Variants in ZBBX observed in about 807,000 individuals in gnomAD.
ZBBX encodes the protein zinc finger B-box domain containing, also known as zinc finger B-box domain-containing protein 1.
ZBBX carries 101 observed loss-of-function variants against 108.5 expected under a neutral mutation model. The ratio of observed to expected loss-of-function variants is 0.93; its 90% CI spans 0.79 to 1.10. The LOEUF (loss-of-function observed/expected upper bound fraction) is 1.10, where lower values mean the gene tolerates loss of function less well. ZBBX is among the 50% of genes least tolerant of loss of function. The pLI, the probability that ZBBX is intolerant of heterozygous loss-of-function variation, is 0.00. For missense variants in ZBBX, 1,009 were observed against 941.4 expected (o/e 1.07, Z -0.94); for synonymous variants, 356 against 323.4 (o/e 1.10, Z -1.08).
intron 16 of ZBBX, 74 bp downstream of exon 16, chr3:167,313,900 A>C: frequency 7.5e-7 from 1 of 1,338,290 alleles, no homozygotes; most frequent in East Asian, 2.6e-5. Flanking sequence ...CAGCATAACA[A>C]AGCTTTTATA....
chr3:167,352,719 C>A (rs1742868285), intron 8 of ZBBX, among the ~76,000 whole-genome samples: 3 of 143,096 alleles, frequency 2.1e-5, no homozygotes. Context: ...TACAAAAATT[C>A]TCAAAAAAAA....
intron 9 of ZBBX, among the ~76,000 whole-genome samples, chr3:167,348,791 T>C (rs1431466403): frequency 1.3e-5 from 2 of 152,098 alleles, no homozygotes; most frequent in Admixed American, 1.3e-4. Context: ...CTCACTAATT[T>C]AATCCAATCT....
chr3:167,345,242 G>A (rs1221115199), intron 9 of ZBBX, among the ~76,000 whole-genome samples: 2 of 151,818 alleles, frequency 1.3e-5, no homozygotes, highest in Admixed American at 6.6e-5. Flanking sequence ...AGACAAAAAA[G>A]AGTCCTTCTC....
At chr3:167,366,065 A>C in intron 5 of ZBBX, 89 bp from the exon 6 acceptor site, 1 of 978,474 alleles carries the variant, frequency 1.0e-6, no homozygotes, top group Non-Finnish European at 1.5e-6. Flanking sequence ...GTTTCAGAAA[A>C]TGGAAATTCA....
At chr3:167,225,074 T>G in the ZBBX span, among the ~76,000 whole-genome samples, 1 of 151,760 alleles carries the variant, frequency 6.6e-6, no homozygotes, top group African/African-American at 2.4e-5. Context: ...TGATATGGAA[T>G]AGACACAAGG....
chr3:167,209,474 T>C, the ZBBX span, among the ~76,000 whole-genome samples: 3 of 152,104 alleles, frequency 2.0e-5, no homozygotes, highest in East Asian at 5.8e-4. Context: ...CTGGATCTTA[T>C]CCAAGACCAC....
chr3:167,242,617 T>C lies in ZBBX; in HGVS notation c.2281A>G (p.Thr761Ala). 1 of 1,612,050 alleles carries C rather than the reference T, an allele frequency of 6.2e-7. No homozygotes were observed. Residue 761 changes from threonine (T) to alanine (A), a missense_variant, in exon 21 of 22, where the codon ACC (threonine) becomes GCC (alanine). By Grantham distance (58) the Thr-to-Ala change is moderately conservative. Transcript: ENST00000675490. ...CTGAAATCTGGGAACTCTTCTGAGG[T>C]TAAGCTGTAAAGCTTTTCTGAAGTA... is the stretch of plus-strand genomic sequence containing the variant. ...ADTSEKLYSLTSEEFPDFSSQ... is the reference protein window; with the variant it reads ...ADTSEKLYSLASEEFPDFSSQ...
At chr3:167,350,563 G>C (rs573410697) in intron 8 of ZBBX, 48 bp from the exon 9 acceptor site, 8 of 1,330,282 alleles carry the variant, frequency 6.0e-6, no homozygotes, top group Non-Finnish European at 7.2e-6. Context: ...AAAATAGTAT[G>C]ATTTTTAGAA....
At position 167,275,609 on chromosome 3, in the gene ZBBX, A is replaced by C. The variant is rs533535892; in HGVS notation, c.2254+6629T>G. Among the ~76,000 whole-genome samples, 15 of 152,360 alleles carry C rather than the reference A, an allele frequency of 9.8e-5. No homozygotes were observed. In the South Asian group the frequency reaches 2.7e-3, roughly 27 times the overall value. ...GGCGCACCAGGAGATTATATCCCGC[A>C]CATGGCTCGGAGGGTCCTACACCCA... On this transcript the variant is annotated intron_variant, in intron 20 of 21. Transcript: ENST00000675490.
intron 19 of ZBBX, among the ~76,000 whole-genome samples, chr3:167,283,090 C>T (rs1429885114): frequency 6.6e-6 from 1 of 152,196 alleles, no homozygotes; most frequent in Non-Finnish European, 1.5e-5. Flanking sequence ...AGCTCACTCT[C>T]TTCTGGAAAA....
the ZBBX span, among the ~76,000 whole-genome samples, chr3:167,206,363 C>G: frequency 6.6e-6 from 1 of 151,972 alleles, no homozygotes; most frequent in African/African-American, 2.4e-5. Context: ...CACATACATA[C>G]TATAATTTAT....
At chr3:167,333,714 TAA>T in intron 10 of ZBBX, 111 bp downstream of exon 10, 1 of 979,096 alleles carries the variant, frequency 1.0e-6, no homozygotes, top group Non-Finnish European at 1.4e-6. Context: ...CCATATGAAA[TAA>T]AAATGTGATG....
At chr3:167,312,996 A>G (rs1189494085) in intron 16 of ZBBX, among the ~76,000 whole-genome samples, 2 of 152,212 alleles carry the variant, frequency 1.3e-5, no homozygotes, top group Non-Finnish European at 2.9e-5. Flanking sequence ...GATCAAATCT[A>G]ATAGTTAAAA....
chr3:167,253,525 C>T (rs1486602633), intron 20 of ZBBX, among the ~76,000 whole-genome samples: 1 of 151,994 alleles, frequency 6.6e-6, no homozygotes, highest in African/African-American at 2.4e-5. Flanking sequence ...GACAAGAAAG[C>T]CCAGATCTTT....
At chr3:167,368,731 C>T (rs1745720961) in intron 4 of ZBBX, 157 bp from the exon 5 acceptor site, 1 of 1,274,848 alleles carries the variant, frequency 7.8e-7, no homozygotes, top group Non-Finnish European at 9.9e-7. Context: ...TTAAAGTTAG[C>T]ATTTGCCTTC....
chr3:167,393,392 A>G (rs1748136606), intron 1 of ZBBX, among the ~76,000 whole-genome samples: 1 of 152,044 alleles, frequency 6.6e-6, no homozygotes, highest in South Asian at 2.1e-4. Flanking sequence ...TCTTATGCTC[A>G]AGTAACAAAT....
intron 8 of ZBBX, among the ~76,000 whole-genome samples, chr3:167,357,161 A>G (rs999213942): frequency 1.3e-5 from 2 of 152,110 alleles, no homozygotes; most frequent in African/African-American, 4.8e-5. Flanking sequence ...AAGAGTAAGT[A>G]TAGATGGACA....
chr3:167,294,576 C>T (rs185443539), intron 18 of ZBBX, among the ~76,000 whole-genome samples: 4 of 152,132 alleles, frequency 2.6e-5, no homozygotes, highest in Admixed American at 2.0e-4. Context: ...AATGTAAGAA[C>T]GAAAACCATA....
At chr3:167,259,476 G>A (rs551763689) in intron 20 of ZBBX, among the ~76,000 whole-genome samples, 9 of 151,928 alleles carry the variant, frequency 5.9e-5, no homozygotes, top group African/African-American at 1.4e-4. Context: ...ATTTCATTTC[G>A]TTCTGCTCTG....
Sources: gnomAD v4.1 joint callset for allele counts (sites outside exome capture counted in the v4.1 genomes callset) on GRCh38, gnomAD v4.1.1 for gene constraint, MANE v1.5 for transcripts, NCBI Gene and HGNC (gene_info 2026-07-23, HGNC 2026-07-21) for gene names.